Variants in C4orf17 observed in about 807,000 individuals in gnomAD.
C4orf17 encodes uncharacterized protein C4orf17.
C4orf17 carries 25 observed loss-of-function variants against 32.0 expected under a neutral mutation model. That is an observed-to-expected ratio of 0.78 (90% confidence interval 0.57 to 1.09). The LOEUF (loss-of-function observed/expected upper bound fraction) is 1.09. Among genes scored for constraint, C4orf17 ranks in the 50% least tolerant of loss-of-function variants. C4orf17 has a pLI of 0.00. For synonymous variants in C4orf17, 149 were observed against 145.8 expected (o/e 1.02, Z -0.16); for missense variants, 420 against 420.0 (o/e 1.00, Z 0.00).
At chr4:99,523,810 G>C (rs1321998290) in intron 3 of C4orf17, among the ~76,000 whole-genome samples, 1 of 152,014 alleles carries the variant, frequency 6.6e-6, no homozygotes. Context: ...GGGTAGGGTT[G>C]AGAGGCTGAT....
At chr4:99,522,818 C>A in intron 3 of C4orf17, 109 bp downstream of exon 3, 1 of 811,250 alleles carries the variant, frequency 1.2e-6, no homozygotes, top group Admixed American at 2.8e-5. Context: ...CATCAAGTTT[C>A]CTCACTGTGA....
In C4orf17 at chr4:99,529,551, A is replaced by T. The variant is rs547671748; in HGVS notation, c.403-264A>T. On this transcript the variant is annotated intron_variant, in intron 4 of 8. Coordinates refer to ENST00000326581, the MANE Select transcript of C4orf17 (RefSeq NM_032149.3). ...CTGTTATCTGAAACTGCAATATAAA[A>T]GGTCATACATTGCATATTACAAATT... Among the ~76,000 whole-genome samples, 3 of 152,318 alleles carry T rather than the reference A, an allele frequency of 2.0e-5. No individual in the cohort carries two copies. The East Asian group carries it at 5.8e-4, about 29-fold the overall frequency.
chr4:99,515,824 T>C (rs1394160299), intron 2 of C4orf17, among the ~76,000 whole-genome samples: 1 of 151,614 alleles, frequency 6.6e-6, no homozygotes, highest in Non-Finnish European at 1.5e-5. Flanking sequence ...ATGATACAAA[T>C]AAACCAAGCT....
intron 5 of C4orf17, among the ~76,000 whole-genome samples, chr4:99,531,893 T>C (rs959356793): frequency 6.6e-6 from 1 of 152,176 alleles, no homozygotes; most frequent in African/African-American, 2.4e-5. Context: ...CTACTATCCA[T>C]TGAGTAACTC....
At chr4:99,514,045 G>T (rs1002030061) in intron 2 of C4orf17, among the ~76,000 whole-genome samples, 1 of 152,028 alleles carries the variant, frequency 6.6e-6, no homozygotes, top group Non-Finnish European at 1.5e-5. Flanking sequence ...ACTGGCTATT[G>T]GGCGTAATCT....
intron 5 of C4orf17, among the ~76,000 whole-genome samples, chr4:99,532,273 C>T (rs1723489014): frequency 6.6e-6 from 1 of 152,084 alleles, no homozygotes; most frequent in Non-Finnish European, 1.5e-5. Context: ...CAGCAATATT[C>T]ACAATAGCAA....
intron 5 of C4orf17, 44 bp from the exon 6 acceptor site, chr4:99,537,625 G>A (rs1300612138): frequency 7.4e-7 from 1 of 1,349,438 alleles, no homozygotes; most frequent in East Asian, 2.3e-5. Flanking sequence ...GATAAGCCTT[G>A]TACTATTTAT....
At chr4:99,533,252 G>A (rs747473980) in intron 5 of C4orf17, among the ~76,000 whole-genome samples, 6 of 152,190 alleles carry the variant, frequency 3.9e-5, no homozygotes, top group Non-Finnish European at 8.8e-5. Context: ...GATACAATAT[G>A]CAGATTAATT....
intron 5 of C4orf17, among the ~76,000 whole-genome samples, chr4:99,535,088 T>C (rs1578195183): frequency 6.6e-6 from 1 of 152,190 alleles, no homozygotes; most frequent in Admixed American, 6.5e-5. Context: ...GCTTGTAGGG[T>C]TTCCACTGAG....
intron 5 of C4orf17, among the ~76,000 whole-genome samples, chr4:99,534,778 C>T (rs1221325374): frequency 6.6e-6 from 1 of 152,184 alleles, no homozygotes; most frequent in Non-Finnish European, 1.5e-5. Flanking sequence ...GAATTTGATC[C>T]TGTCACCATG....
At chr4:99,540,556 C>A in intron 8 of C4orf17, 101 bp downstream of exon 8, 1 of 717,304 alleles carries the variant, frequency 1.4e-6, no homozygotes, top group Non-Finnish European at 2.4e-6. Context: ...TTTAAAAAAA[C>A]AGAAAAATAC....
chr4:99,522,621 C>A lies in C4orf17; in HGVS notation c.249C>A (p.Tyr83Ter). 6.2e-7 allele frequency: 1 copy of A among 1,613,868 alleles called. No homozygotes were observed. Among genetic ancestry groups the A allele is most frequent in the Non-Finnish European group, 8.5e-7 (1 of 1,179,844 alleles). ...KNRIPFANCS[Y>*]PSSTAVQESP... ...GGATACCATTTGCCAATTGCAGTTA[C>A]CCCTCCAGCACTGCAGTCCAGGAGA... is the stretch of plus-strand genomic sequence containing the variant. The change falls in exon 3 of 9, where the codon TAC becomes TAA. Residue 83 changes from tyrosine to a stop codon, truncating the protein, a stop_gained. Transcript: ENST00000326581. LOFTEE classifies it high-confidence loss of function.
rs2110169683 is a variant in C4orf17 at position 99,525,769 on chromosome 4, C to T, written c.402+1184C>T. ...CCGAGATGGTGCCACTGCACTGCCG[C>T]CTGGTGACAGAGCAAGATTCCGTTT... On this transcript the variant is annotated intron_variant, in intron 4 of 8. Coordinates refer to ENST00000326581, the MANE Select transcript of C4orf17 (RefSeq NM_032149.3). Among the ~76,000 whole-genome samples the T allele has an allele frequency of 1.3e-5, 2 of 151,714 alleles. 1 individual carries two copies. The highest frequency in any genetic ancestry group is 4.2e-4 in the South Asian group (2 of 4,792).
intron 5 of C4orf17, among the ~76,000 whole-genome samples, chr4:99,533,869 C>G (rs1394806921): frequency 6.6e-6 from 1 of 152,160 alleles, no homozygotes. Flanking sequence ...AATAGCCCTG[C>G]AATAGAGGCT....
At chr4:99,537,342 A>T (rs893033400) in intron 5 of C4orf17, among the ~76,000 whole-genome samples, 1 of 152,174 alleles carries the variant, frequency 6.6e-6, no homozygotes, top group Non-Finnish European at 1.5e-5. Context: ...TCTGTGTGTC[A>T]GTGTATGTTT....
chr4:99,537,006 G>A (rs778996268), intron 5 of C4orf17, among the ~76,000 whole-genome samples: 2 of 151,948 alleles, frequency 1.3e-5, no homozygotes, highest in Non-Finnish European at 2.9e-5. Flanking sequence ...AAATACTAGG[G>A]ACAATAGAGG....
Position 99,513,178 on chromosome 4 carries a change from C to T in C4orf17, c.97C>T (p.Pro33Ser), listed in dbSNP as rs1426680981. The T allele has an allele frequency of 6.2e-7, 1 of 1,613,888 alleles. No individual in the cohort carries two copies. Among genetic ancestry groups the T allele is most frequent in the Non-Finnish European group, 8.5e-7 (1 of 1,179,842 alleles). ...NVSCFLVRHT[P>S]HPRRVCHIKG... ...AAGCTGCTTTCTAGTCAGGCACACC[C>T]CTCATCCCAGAAGAGTCTGCCACAT... is the stretch of plus-strand genomic sequence containing the variant. The change falls in exon 2 of 9, where the codon CCT becomes TCT. Residue 33 changes from proline (P) to serine (S), a missense_variant. By Grantham distance (74) the Pro-to-Ser change is moderately conservative. Transcript: ENST00000326581.
At chr4:99,533,038 G>A (rs1723501429) in intron 5 of C4orf17, among the ~76,000 whole-genome samples, 1 of 152,178 alleles carries the variant, frequency 6.6e-6, no homozygotes, top group Non-Finnish European at 1.5e-5. Context: ...TGCAGACAGT[G>A]CATGGAGAAA....
Position 99,532,787 on chromosome 4 carries a change from A to G in C4orf17, c.546+2829A>G, listed in dbSNP as rs1220945205. ...ATACTAGAGTGTGAGGACACAATTA[A>G]TTTCTTCATTCATAGAGGTTATGAA... On this transcript the variant is annotated intron_variant, in intron 5 of 8. Coordinates refer to ENST00000326581, the MANE Select transcript of C4orf17 (RefSeq NM_032149.3). Among the ~76,000 whole-genome samples the G allele has an allele frequency of 2.0e-5, 3 of 152,328 alleles. No individual in the cohort carries two copies. The East Asian group carries it at 5.8e-4, about 29-fold the overall frequency.
Sources: allele counts gnomAD v4.1 joint callset (sites outside exome capture counted in the v4.1 genomes callset), GRCh38; gene constraint gnomAD v4.1.1; transcripts MANE v1.5; gene names NCBI Gene and HGNC (gene_info 2026-07-23, HGNC 2026-07-21).